ATP13A3: variants seen among roughly 807,000 people sequenced by gnomAD.
ATP13A3 encodes the protein polyamine-transporting ATPase 13A3.
Under a neutral mutation model 158.1 loss-of-function variants are expected in ATP13A3, and 59 were observed. That is an observed-to-expected ratio of 0.37 (90% confidence interval 0.30 to 0.46). ATP13A3 has a LOEUF of 0.46. Ranked by LOEUF, ATP13A3 falls within the 20% of genes least tolerant of loss-of-function variation. The probability of loss-of-function intolerance (pLI) is 1.00; values close to 1 mark genes in which losing one functional copy is unlikely to be tolerated. For synonymous variants in ATP13A3, 491 were observed against 504.3 expected (o/e 0.97, Z 0.35); for missense variants, 1,166 against 1,525.2 (o/e 0.76, Z 3.92).
intron 14 of ATP13A3, among the ~76,000 whole-genome samples, chr3:194,445,700 A>G (rs1718354459): frequency 6.6e-6 from 1 of 152,230 alleles, no homozygotes; most frequent in Non-Finnish European, 1.5e-5. Context: ...TTTTTCTAAC[A>G]GAACATGTTT....
chr3:194,423,940 TA>T (rs11375155), intron 30 of ATP13A3, among the ~76,000 whole-genome samples: 242 of 143,372 alleles, frequency 1.7e-3, no homozygotes, highest in Admixed American at 1.9e-3. Context: ...TTCTTCAAAT[TA>T]AAAAAAAAAA....
rs911667307 is a variant in ATP13A3, at chr3:194,481,994, T to C, written c.-47+3800A>G. Among the ~76,000 whole-genome samples, 3 of 152,332 alleles carry C rather than the reference T, an allele frequency of 2.0e-5. No individual in the cohort carries two copies. In the South Asian group the frequency reaches 6.2e-4, roughly 32 times the overall value. ...AAAGGTTCCAATATGACCCTGTGGG[T>C]CTAAGATGTTAACAGATATGGTATT... On this transcript the variant is annotated intron_variant, in intron 2 of 33. Transcript: ENST00000645319.
At chr3:194,459,221 C>T in intron 6 of ATP13A3, 1 of 437,394 alleles carries the variant, frequency 2.3e-6, no homozygotes, top group Non-Finnish European at 4.2e-6. Flanking sequence ...AGAACTCAGA[C>T]TCAGTAGACT....
chr3:194,470,078 T>G (rs1407890846), intron 2 of ATP13A3, among the ~76,000 whole-genome samples: 1 of 152,190 alleles, frequency 6.6e-6, no homozygotes, highest in Non-Finnish European at 1.5e-5. Context: ...TAATATAATT[T>G]AATGAATACA....
intron 2 of ATP13A3, among the ~76,000 whole-genome samples, chr3:194,463,605 G>A (rs1227791012): frequency 6.6e-6 from 1 of 152,044 alleles, no homozygotes; most frequent in Non-Finnish European, 1.5e-5. Flanking sequence ...CTCACAGTAG[G>A]ACTATTACTG....
chr3:194,430,769 G>C (rs1717157741), intron 24 of ATP13A3, among the ~76,000 whole-genome samples, 174 bp downstream of exon 24: 2 of 152,048 alleles, frequency 1.3e-5, no homozygotes, highest in Non-Finnish European at 2.9e-5. Flanking sequence ...TAAATAAAAA[G>C]CACATGAGAC....
chr3:194,457,218 T>C (rs754550456), intron 6 of ATP13A3, 44 bp from the exon 7 acceptor site: 3 of 1,466,472 alleles, frequency 2.0e-6, no homozygotes, highest in Admixed American at 3.5e-5. Context: ...GTTTAAAATA[T>C]CCAAATTTCT....
At chr3:194,470,589 AT>A (rs1720257106) in intron 2 of ATP13A3, among the ~76,000 whole-genome samples, 2 of 152,268 alleles carry the variant, frequency 1.3e-5, no homozygotes, top group South Asian at 4.1e-4. Context: ...ATAAAAAAAA[AT>A]GTGCAAAATA....
chr3:194,423,635 G>A (rs1039335965), intron 30 of ATP13A3, among the ~76,000 whole-genome samples: 14 of 152,304 alleles, frequency 9.2e-5, no homozygotes, highest in African/African-American at 3.1e-4. Context: ...AACGGCAATC[G>A]AGTTTTATGG....
chr3:194,468,900 G>A (rs1045151259), intron 2 of ATP13A3, among the ~76,000 whole-genome samples: 2 of 152,126 alleles, frequency 1.3e-5, no homozygotes, highest in African/African-American at 4.8e-5. Context: ...ATTATTCACC[G>A]AGGCGGGTGG....
intron 30 of ATP13A3, among the ~76,000 whole-genome samples, chr3:194,424,013 T>C (rs1416567935): frequency 6.6e-6 from 1 of 151,910 alleles, no homozygotes; most frequent in Non-Finnish European, 1.5e-5. Flanking sequence ...TTCCTTGAAA[T>C]TTAAAAATGT....
At chr3:194,410,501 C>T (rs1715326694) in intron 33 of ATP13A3, among the ~76,000 whole-genome samples, 1 of 151,506 alleles carries the variant, frequency 6.6e-6, no homozygotes, top group African/African-American at 2.4e-5. Flanking sequence ...CTGAGGAGCT[C>T]GAGGCTACAG....
intron 15 of ATP13A3, among the ~76,000 whole-genome samples, chr3:194,442,235 T>C (rs1463058128): frequency 1.3e-5 from 2 of 152,202 alleles, no homozygotes; most frequent in Non-Finnish European, 2.9e-5. Context: ...AATGAGTCCA[T>C]AATTTAAAGA....
upstream of ATP13A3, among the ~76,000 whole-genome samples, chr3:194,490,808 C>T (rs1721137685): frequency 6.6e-6 from 1 of 152,226 alleles, no homozygotes; most frequent in Non-Finnish European, 1.5e-5. The surrounding 1 kb of genome is among the most constrained non-coding windows in gnomAD (Gnocchi z 4.4). Context: ...CCCTGGTGGC[C>T]TCATCTACTA....
At chr3:194,480,379 T>A (rs1006921839) in intron 2 of ATP13A3, among the ~76,000 whole-genome samples, 1 of 152,226 alleles carries the variant, frequency 6.6e-6, no homozygotes, top group Non-Finnish European at 1.5e-5. Flanking sequence ...TACATACTCA[T>A]GTTTTCTTAC....
chr3:194,426,617 T>C (rs1050874152), intron 29 of ATP13A3, among the ~76,000 whole-genome samples: 20 of 152,306 alleles, frequency 1.3e-4, no homozygotes, highest in Admixed American at 9.8e-4. Flanking sequence ...GGATTTTGCC[T>C]GAACATCTTC....
intron 2 of ATP13A3, among the ~76,000 whole-genome samples, chr3:194,483,451 G>C (rs924822742): frequency 3.2e-5 from 4 of 123,704 alleles, no homozygotes; most frequent in African/African-American, 1.5e-4. Context: ...CTAGCTGGGT[G>C]TGATGGTGCA....
chr3:194,448,686 A>G lies in ATP13A3; in HGVS notation c.971-50T>C, dbSNP rs1408649860. ...AAAACAGTTTACAAATTATTAAACGAAAGCACAGGAATCAGTATCGAACAC... is the reference window on the plus strand; with the variant it reads ...AAAACAGTTTACAAATTATTAAACGGAAGCACAGGAATCAGTATCGAACAC... On this transcript the variant is annotated intron_variant, in intron 11 of 33. Transcript: ENST00000645319. This position sits in a 1 kb window ranked among gnomAD's most constrained non-coding sequence, Gnocchi z 4.0. 1 of 1,554,760 alleles carries G rather than the reference A, an allele frequency of 6.4e-7. No individual in the cohort carries two copies. The highest frequency in any genetic ancestry group is 2.3e-5 in the East Asian group (1 of 44,442).
At chr3:194,438,514 G>A (rs1490007857) in intron 17 of ATP13A3, among the ~76,000 whole-genome samples, 2 of 152,236 alleles carry the variant, frequency 1.3e-5, no homozygotes, top group East Asian at 1.9e-4. Flanking sequence ...TGATAGTACT[G>A]AGAATTATAT....
Sources: gnomAD v4.1 joint callset for allele counts (sites outside exome capture counted in the v4.1 genomes callset) on GRCh38, gnomAD v4.1.1 for gene constraint, Gnocchi (gnomAD v3.1) non-coding constraint, MANE v1.5 for transcripts, NCBI Gene and HGNC (gene_info 2026-07-23, HGNC 2026-07-21) for gene names.